The following DNAH14 variants were observed in gnomAD, a reference collection of about 807,000 sequenced individuals.
DNAH14 encodes dynein axonemal heavy chain 14, also known as axonemal beta dynein heavy chain 14.
Under a neutral mutation model 520.9 loss-of-function variants are expected in DNAH14, and 478 were observed. That is an observed-to-expected ratio of 0.92 (90% CI 0.85 to 0.99). The LOEUF (loss-of-function observed/expected upper bound fraction) is 0.99. Among genes scored for constraint, DNAH14 ranks in the 50% least tolerant of loss-of-function variants. DNAH14 has a pLI of 0.00. For synonymous variants in DNAH14, 1,581 were observed against 1,757.2 expected (o/e 0.90, Z 2.51); for missense variants, 4,831 against 5,234.5 (o/e 0.92, Z 2.38).
chr1:225,050,778 A>G (rs1170306274), intron 16 of DNAH14, among the ~76,000 whole-genome samples: 1 of 152,208 alleles, frequency 6.6e-6, no homozygotes, highest in Admixed American at 6.5e-5. Context: ...CACATACTAT[A>G]TACCAGTGGC....
intron 43 of DNAH14, among the ~76,000 whole-genome samples, chr1:225,247,366 A>T (rs1179387946): frequency 3.9e-5 from 6 of 152,174 alleles, no homozygotes; most frequent in Non-Finnish European, 2.9e-5. Context: ...CACATTCTGC[A>T]CATGTATTCC....
chr1:225,262,584 A>T (rs1346266433), intron 46 of DNAH14, among the ~76,000 whole-genome samples: 2 of 151,948 alleles, frequency 1.3e-5, no homozygotes, highest in African/African-American at 2.4e-5. Flanking sequence ...TTTTCCCAGC[A>T]CCATTTTTGA....
chr1:225,196,936 C>A (rs1005980612), intron 38 of DNAH14, among the ~76,000 whole-genome samples: 2 of 151,950 alleles, frequency 1.3e-5, no homozygotes, highest in Non-Finnish European at 2.9e-5. Flanking sequence ...GTTGTAGATT[C>A]TGGATATTAG....
At chr1:225,395,376 G>A (rs572961557) in intron 84 of DNAH14, among the ~76,000 whole-genome samples, 2 of 152,244 alleles carry the variant, frequency 1.3e-5, no homozygotes, top group East Asian at 3.9e-4. Flanking sequence ...GGCAGATCAC[G>A]AGGTCAGGAG....
chr1:224,950,675 A>G (rs1039226311), intron 1 of DNAH14, among the ~76,000 whole-genome samples: 8 of 152,236 alleles, frequency 5.3e-5, no homozygotes, highest in Non-Finnish European at 1.2e-4. Flanking sequence ...ACTCTCTTGA[A>G]GGAGCTGGCA....
chr1:225,059,641 GC>G (rs2069725048), intron 17 of DNAH14, among the ~76,000 whole-genome samples: 1 of 152,164 alleles, frequency 6.6e-6, no homozygotes, highest in African/African-American at 2.4e-5. Flanking sequence ...TTACAATTTG[GC>G]ATGTTTTTGC....
At chr1:225,122,985 A>G (rs2077412800) in intron 26 of DNAH14, among the ~76,000 whole-genome samples, 1 of 152,188 alleles carries the variant, frequency 6.6e-6, no homozygotes, top group Admixed American at 6.5e-5. Context: ...TGTATCATTG[A>G]CCGATTTGAC....
At chr1:225,280,048 AC>A (rs1327717553) in intron 54 of DNAH14, among the ~76,000 whole-genome samples, 1 of 151,928 alleles carries the variant, frequency 6.6e-6, no homozygotes, top group Admixed American at 6.6e-5. Context: ...TGAGATGAAA[AC>A]TTCACTAGAG....
intron 46 of DNAH14, among the ~76,000 whole-genome samples, chr1:225,263,988 T>G (rs1221084857): frequency 6.6e-6 from 1 of 152,056 alleles, no homozygotes; most frequent in African/African-American, 2.4e-5. Context: ...GCCCAGTTTG[T>G]TTTATAAAGT....
chr1:225,218,701 C>A (rs2089707827), intron 41 of DNAH14, among the ~76,000 whole-genome samples: 1 of 152,064 alleles, frequency 6.6e-6, no homozygotes. Flanking sequence ...TAGACTCCCA[C>A]ACAATAATAA....
In DNAH14 at chr1:225,080,587, T is replaced by C. The variant is rs1246895316; in HGVS notation, c.2975T>C (p.Ile992Thr). ...TQIVLSEISD[I>T]EGDLTLRKKL... ...ATTGTGCTTTCAGAGATCTCTGACA[T>C]TGAAGGTGACTTGACTTTGAGGAAA... The change falls in exon 19 of 86, where the codon ATT becomes ACT. Residue 992 changes from isoleucine to threonine, a missense_variant. By Grantham distance (89) the Ile-to-Thr change is moderately conservative (BLOSUM62 -1). Transcript: ENST00000682510. 6.4e-6 allele frequency: 10 copies of C among 1,552,012 alleles called. No individual in the cohort carries two copies. Among genetic ancestry groups the C allele is most frequent in the African/African-American group, 2.7e-5 (2 of 73,042 alleles).
chr1:225,212,023 A>C (rs2088511374), intron 41 of DNAH14, among the ~76,000 whole-genome samples: 1 of 151,344 alleles, frequency 6.6e-6, no homozygotes, highest in Admixed American at 6.6e-5. Context: ...CATCATTTAC[A>C]TTAGGTATAT....
intron 35 of DNAH14, among the ~76,000 whole-genome samples, chr1:225,165,700 C>G (rs2081976470): frequency 6.6e-6 from 1 of 152,026 alleles, no homozygotes; most frequent in African/African-American, 2.4e-5. Context: ...CCTCCTGCCT[C>G]AGTCCCCCAA....
At chr1:225,200,571 A>G (rs868378341) in intron 38 of DNAH14, among the ~76,000 whole-genome samples, 12 of 152,056 alleles carry the variant, frequency 7.9e-5, no homozygotes, top group Admixed American at 2.6e-4. Context: ...GTTTGTCTGT[A>G]TCTGCATTTG....
intron 68 of DNAH14, 174 bp downstream of exon 68, chr1:225,338,356 G>C (rs2095106170): frequency 1.2e-6 from 1 of 821,456 alleles, no homozygotes; most frequent in Non-Finnish European, 2.0e-6. Context: ...ATACAGAAGA[G>C]ATAACCGATT....
intron 11 of DNAH14, among the ~76,000 whole-genome samples, chr1:225,032,328 A>G (rs955151972): frequency 1.3e-5 from 2 of 152,004 alleles, no homozygotes; most frequent in Admixed American, 1.3e-4. Flanking sequence ...GAGAACATAC[A>G]GTATTTGGTT....
At chr1:225,196,363 G>C (rs1335293100) in intron 38 of DNAH14, among the ~76,000 whole-genome samples, 1 of 152,144 alleles carries the variant, frequency 6.6e-6, no homozygotes, top group Non-Finnish European at 1.5e-5. Flanking sequence ...TTTTATGGCT[G>C]TAGTATTCCA....
chr1:225,130,192 G>T (rs2078236674), intron 27 of DNAH14, among the ~76,000 whole-genome samples: 1 of 152,188 alleles, frequency 6.6e-6, no homozygotes, highest in African/African-American at 2.4e-5. Flanking sequence ...AGGATGTGGA[G>T]AAATAGGAAC....
intron 68 of DNAH14, 47 bp downstream of exon 68, chr1:225,338,229 A>G (rs1394330014): frequency 1.3e-6 from 2 of 1,546,506 alleles, no homozygotes; most frequent in African/African-American, 1.4e-5. Context: ...GCTTTTTAAG[A>G]TAAATAATAT....
Sources: gnomAD v4.1 joint callset for allele counts (sites outside exome capture counted in the v4.1 genomes callset) on GRCh38, gnomAD v4.1.1 for gene constraint, MANE v1.5 for transcripts, NCBI Gene and HGNC (gene_info 2026-07-23, HGNC 2026-07-21) for gene names.